The following AFG1L variants were observed in gnomAD, a reference collection of about 807,000 sequenced individuals.
AFG1L encodes the protein AFG1-like ATPase.
Under a neutral mutation model 62.2 loss-of-function variants are expected in AFG1L, and 53 were observed. The observed-to-expected ratio is 0.85, with a 90% CI of 0.68 to 1.07. The LOEUF is 1.07. Among genes scored for constraint, AFG1L ranks in the 50% least tolerant of loss-of-function variants. The pLI is 0.00. For missense variants in AFG1L, 555 were observed against 590.5 expected (o/e 0.94, Z 0.62); for synonymous variants, 228 against 210.3 (o/e 1.08, Z -0.73).
intron 2 of AFG1L, among the ~76,000 whole-genome samples, chr6:108,335,025 A>G (rs1778425301): frequency 6.7e-6 from 1 of 148,406 alleles, no homozygotes; most frequent in East Asian, 2.0e-4. Context: ...ATGGAGTCTC[A>G]CTCTGTCACC....
At chr6:108,363,985 T>C (rs1453819912) in intron 5 of AFG1L, among the ~76,000 whole-genome samples, 1 of 152,184 alleles carries the variant, frequency 6.6e-6, no homozygotes, top group African/African-American at 2.4e-5. Context: ...TTTTTTCTTT[T>C]TTACTTAAGT....
chr6:108,366,369 G>T (rs765135643), intron 6 of AFG1L, 37 bp downstream of exon 6: 14 of 1,278,182 alleles, frequency 1.1e-5, no homozygotes, highest in Non-Finnish European at 1.6e-5. Flanking sequence ...ATCCAATTAG[G>T]TGGAAACTAA....
At chr6:108,432,674 T>G (rs1771128053) in intron 7 of AFG1L, among the ~76,000 whole-genome samples, 1 of 152,222 alleles carries the variant, frequency 6.6e-6, no homozygotes, top group South Asian at 2.1e-4. Context: ...CCATGTGGTT[T>G]GGATGGAACT....
At chr6:108,311,701 C>T (rs1396875992) in intron 1 of AFG1L, among the ~76,000 whole-genome samples, 2 of 151,862 alleles carry the variant, frequency 1.3e-5, no homozygotes, top group East Asian at 1.9e-4. Context: ...CCATCCAGCT[C>T]GCCACTGATT....
intron 1 of AFG1L, among the ~76,000 whole-genome samples, chr6:108,321,933 G>A (rs775441320): frequency 6.6e-6 from 1 of 152,130 alleles, no homozygotes; most frequent in Non-Finnish European, 1.5e-5. Context: ...CCGGGCTGGA[G>A]TGCAGTGGTG....
chr6:108,502,031 T>G (rs778702195), intron 10 of AFG1L, among the ~76,000 whole-genome samples: 2 of 152,176 alleles, frequency 1.3e-5, no homozygotes, highest in African/African-American at 2.4e-5. Context: ...CTCAATGTTT[T>G]GTTTCTTTTT....
intron 12 of AFG1L, chr6:108,521,346 A>C (rs146775669): frequency 6.6e-6 from 1 of 152,298 alleles, no homozygotes; most frequent in South Asian, 2.1e-4. Context: ...TAAAATAAAA[A>C]AAATTAGCTG....
At chr6:108,406,530 T>A (rs1781865837) in intron 7 of AFG1L, among the ~76,000 whole-genome samples, 1 of 152,134 alleles carries the variant, frequency 6.6e-6, no homozygotes, top group Non-Finnish European at 1.5e-5. Context: ...ATCTGCCTCC[T>A]GGGTTCAAGT....
chr6:108,454,319 A>G (rs1298277968), intron 8 of AFG1L, among the ~76,000 whole-genome samples: 4 of 152,222 alleles, frequency 2.6e-5, no homozygotes, highest in African/African-American at 7.2e-5. Context: ...CCACATGGAG[A>G]CACTTGCACA....
chr6:108,351,245 A>C (rs946572354), intron 3 of AFG1L, among the ~76,000 whole-genome samples: 1 of 152,206 alleles, frequency 6.6e-6, no homozygotes, highest in Admixed American at 6.5e-5. Context: ...TTTATAAAAA[A>C]AATTAATTGT....
rs541046657 is a variant in AFG1L, at chr6:108,478,091, A to G, written c.1062+799A>G. ...ACTAAAGAACAGTTGCTTTTCAGTA[A>G]GGGAAAAGACAAAATACTTATACCT... On this transcript the variant is annotated intron_variant, in intron 10 of 12. Coordinates refer to ENST00000368977, the MANE Select transcript of AFG1L (RefSeq NM_145315.5). Among the ~76,000 whole-genome samples the G allele has an allele frequency of 4.6e-5, 7 of 152,338 alleles. No individual in the cohort carries two copies. The East Asian group carries it at 1.4e-3, about 29-fold the overall frequency.
chr6:108,470,736 G>A (rs1211838766), intron 8 of AFG1L, among the ~76,000 whole-genome samples: 1 of 152,126 alleles, frequency 6.6e-6, no homozygotes, highest in Non-Finnish European at 1.5e-5. Flanking sequence ...ATTCCTATGA[G>A]TTTCATATTT....
At chr6:108,442,258 T>C (rs1276760146) in intron 7 of AFG1L, among the ~76,000 whole-genome samples, 3 of 152,092 alleles carry the variant, frequency 2.0e-5, no homozygotes, top group African/African-American at 7.2e-5. Flanking sequence ...AAGTATTTTT[T>C]CACATTTATG....
intron 6 of AFG1L, among the ~76,000 whole-genome samples, chr6:108,378,350 C>T (rs758437859): frequency 1.3e-5 from 2 of 151,998 alleles, no homozygotes; most frequent in African/African-American, 2.4e-5. Flanking sequence ...TACAGAGTCT[C>T]ACTCTGCTGC....
At chr6:108,386,710 G>A (rs1205793069) in intron 6 of AFG1L, among the ~76,000 whole-genome samples, 1 of 152,154 alleles carries the variant, frequency 6.6e-6, no homozygotes, top group Admixed American at 6.5e-5. Context: ...CTATAGTGTT[G>A]TCTTATAGAG....
intron 2 of AFG1L, among the ~76,000 whole-genome samples, chr6:108,334,291 C>T (rs1179416389): frequency 2.0e-5 from 3 of 152,148 alleles, no homozygotes; most frequent in East Asian, 3.8e-4. Flanking sequence ...AGGTGTGAGC[C>T]ACTGTGCCTG....
At chr6:108,386,822 G>T (rs1348612216) in intron 6 of AFG1L, among the ~76,000 whole-genome samples, 2 of 152,136 alleles carry the variant, frequency 1.3e-5, no homozygotes, top group Non-Finnish European at 2.9e-5. Context: ...TTTTTGAAGT[G>T]ATATGATATT....
chr6:108,321,950 A>G (rs1442359227), intron 1 of AFG1L, among the ~76,000 whole-genome samples: 1 of 151,574 alleles, frequency 6.6e-6, no homozygotes, highest in African/African-American at 2.4e-5. Context: ...GGTGTAGGTC[A>G]TAGCTCACTG....
chr6:108,391,202 A>G (rs1018708733), intron 6 of AFG1L, among the ~76,000 whole-genome samples: 3 of 152,210 alleles, frequency 2.0e-5, no homozygotes, highest in African/African-American at 4.8e-5. Flanking sequence ...TTAATTCTTT[A>G]AGGAATCTTC....
Sources: gnomAD v4.1 joint callset for allele counts (sites outside exome capture counted in the v4.1 genomes callset) on GRCh38, gnomAD v4.1.1 for gene constraint, MANE v1.5 for transcripts, NCBI Gene and HGNC (gene_info 2026-07-23, HGNC 2026-07-21) for gene names.